CERS6: variants seen among roughly 807,000 people sequenced by gnomAD.
The protein encoded by CERS6 is LAG1 homolog, ceramide synthase 6.
CERS6 carries 26 observed loss-of-function variants against 56.8 expected under a neutral mutation model. The observed-to-expected ratio is 0.46, with a 90% CI of 0.34 to 0.63. CERS6 has a LOEUF of 0.63. Ranked by LOEUF, CERS6 falls within the 30% of genes least tolerant of loss-of-function variation. The pLI, the probability that CERS6 is intolerant of heterozygous loss-of-function variation, is 0.01. For synonymous variants in CERS6, 164 were observed against 173.3 expected, an observed-to-expected ratio of 0.95 and a Z score of 0.42; for missense variants, 415 against 467.5, an observed-to-expected ratio of 0.89 and a Z score of 1.04.
At chr2:168,608,281 T>C (rs1057403938) in intron 3 of CERS6, among the ~76,000 whole-genome samples, 7 of 152,364 alleles carry the variant, frequency 4.6e-5, no homozygotes, top group Admixed American at 3.3e-4. Context: ...GTGGGTATTT[T>C]TCATTGTCTT....
At chr2:168,687,981 GGT>G (rs1686398886) in intron 4 of CERS6, among the ~76,000 whole-genome samples, 2 of 152,176 alleles carry the variant, frequency 1.3e-5, no homozygotes, top group Non-Finnish European at 2.9e-5. Flanking sequence ...TGGAATTGCA[GGT>G]GTGAGCCACA....
At chr2:168,533,792 A>G (rs759214652) in intron 1 of CERS6, among the ~76,000 whole-genome samples, 1 of 151,948 alleles carries the variant, frequency 6.6e-6, no homozygotes, top group Non-Finnish European at 1.5e-5. Context: ...ATCCTGGGTA[A>G]TATCCAGAAG....
In CERS6 at chr2:168,602,352, A is replaced by G. The variant is rs879708210; in HGVS notation, c.408-28633A>G. On this transcript the variant is annotated intron_variant, in intron 3 of 9. Coordinates refer to ENST00000305747, the MANE Select transcript of CERS6 (RefSeq NM_203463.3). ...ATTTGCCTGGTATAGGACTCTGTCTATAATTTTAGTACTTTTGCTAAATGT... is the reference window on the plus strand; with the variant it reads ...ATTTGCCTGGTATAGGACTCTGTCTGTAATTTTAGTACTTTTGCTAAATGT... Among the ~76,000 whole-genome samples, 7 of 152,362 alleles carry G rather than the reference A, an allele frequency of 4.6e-5. No individual in the cohort carries two copies. In the East Asian group the frequency reaches 1.2e-3, roughly 25 times the overall value.
At chr2:168,485,816 G>C (rs1229010539) in intron 1 of CERS6, among the ~76,000 whole-genome samples, 1 of 152,124 alleles carries the variant, frequency 6.6e-6, no homozygotes, top group Non-Finnish European at 1.5e-5. Context: ...TTGTGTGTAG[G>C]TTTTTGTGAA....
intron 8 of CERS6, among the ~76,000 whole-genome samples, chr2:168,726,147 G>A (rs1683344866): frequency 6.6e-6 from 1 of 152,156 alleles, no homozygotes; most frequent in Non-Finnish European, 1.5e-5. Context: ...ATGGTCTCAT[G>A]TCCATTTTCT....
chr2:168,702,949 T>C lies in CERS6; in HGVS notation c.609+7898T>C, dbSNP rs150767279. On this transcript the variant is annotated intron_variant, in intron 6 of 9. Transcript: ENST00000305747. ...TTAAATGTATACACAGTTATGAGAA[T>C]CCAACTCTCTAGTATTAAGCCAGAC... Among the ~76,000 whole-genome samples, 961 of 152,306 alleles carry C rather than the reference T, an allele frequency of 6.3e-3. 5 individuals are homozygous for C. The highest frequency in any genetic ancestry group is 0.011 in the Non-Finnish European group (747 of 68,018).
chr2:168,609,568 T>C (rs1336727352), intron 3 of CERS6, among the ~76,000 whole-genome samples: 1 of 152,214 alleles, frequency 6.6e-6, no homozygotes, highest in East Asian at 1.9e-4. Flanking sequence ...GTCCATGAGC[T>C]CTTCCTCCAC....
chr2:168,604,577 C>A (rs978577226), intron 3 of CERS6, among the ~76,000 whole-genome samples: 3 of 152,130 alleles, frequency 2.0e-5, no homozygotes, highest in African/African-American at 7.2e-5. Context: ...GGGGAGGTGA[C>A]CGAATCCTGG....
chr2:168,629,763 C>G (rs1559027178), intron 3 of CERS6, among the ~76,000 whole-genome samples: 2 of 152,102 alleles, frequency 1.3e-5, no homozygotes, highest in Non-Finnish European at 2.9e-5. Flanking sequence ...CACTCTCACC[C>G]ATAACCATTG....
intron 4 of CERS6, among the ~76,000 whole-genome samples, chr2:168,675,055 C>T (rs1243487638): frequency 6.6e-6 from 1 of 151,872 alleles, no homozygotes; most frequent in East Asian, 1.9e-4. Context: ...CTCACTACAA[C>T]CTCCACCTCC....
At chr2:168,520,078 C>T (rs866356894) in intron 1 of CERS6, among the ~76,000 whole-genome samples, 1 of 152,200 alleles carries the variant, frequency 6.6e-6, no homozygotes, top group Non-Finnish European at 1.5e-5. Flanking sequence ...TGCTCTGCAA[C>T]CTCACCAACA....
chr2:168,485,462 C>T (rs1183714892), intron 1 of CERS6, among the ~76,000 whole-genome samples: 1 of 152,132 alleles, frequency 6.6e-6, no homozygotes, highest in African/African-American at 2.4e-5. Flanking sequence ...AATAGTTCTA[C>T]TGCCCTAAAA....
intron 8 of CERS6, among the ~76,000 whole-genome samples, chr2:168,752,828 GT>G (rs997167329): frequency 1.3e-5 from 2 of 152,108 alleles, no homozygotes; most frequent in African/African-American, 4.8e-5. Context: ...GATCTTGTAT[GT>G]TTTTTTCTTG....
At chr2:168,542,700 GGGTGTTATTTTTTTT>G (rs1179227458) in intron 1 of CERS6, among the ~76,000 whole-genome samples, 3 of 61,208 alleles carry the variant, frequency 4.9e-5, no homozygotes, top group Non-Finnish European at 1.5e-4. Flanking sequence ...TTTTTTTGGG[GGGTGTTATTTTTTTT>G]GGAGATGGAG....
intron 4 of CERS6, among the ~76,000 whole-genome samples, chr2:168,647,834 A>G (rs898363201): frequency 6.6e-6 from 1 of 152,148 alleles, no homozygotes; most frequent in African/African-American, 2.4e-5. Context: ...CGTATGTTGA[A>G]CCAACTTTGC....
intron 1 of CERS6, among the ~76,000 whole-genome samples, chr2:168,477,162 TGAGGGAGAGACA>T (rs1694087947): frequency 8.2e-6 from 1 of 121,854 alleles, no homozygotes; most frequent in South Asian, 2.7e-4. Context: ...AGGAAAGGAA[TGAGGGAGAGACA>T]GAGAGAGAGA....
chr2:168,480,029 T>C (rs1278952803), intron 1 of CERS6, among the ~76,000 whole-genome samples: 1 of 152,250 alleles, frequency 6.6e-6, no homozygotes, highest in Admixed American at 6.5e-5. Flanking sequence ...ACTCTGATCC[T>C]GTGAAATGGT....
At chr2:168,558,155 C>G (rs866189199) in intron 2 of CERS6, among the ~76,000 whole-genome samples, 1 of 152,158 alleles carries the variant, frequency 6.6e-6, no homozygotes, top group Non-Finnish European at 1.5e-5. Context: ...AATGGGCGCT[C>G]TTGCTTGTGA....
intron 1 of CERS6, among the ~76,000 whole-genome samples, chr2:168,538,156 A>G (rs1380495102): frequency 1.3e-5 from 2 of 150,546 alleles, no homozygotes; most frequent in Non-Finnish European, 3.0e-5. Flanking sequence ...CAGAGGAGCT[A>G]GTGATTCTCT....
Sources: gnomAD v4.1 joint callset for allele counts (sites outside exome capture counted in the v4.1 genomes callset) on GRCh38, gnomAD v4.1.1 for gene constraint, MANE v1.5 for transcripts, NCBI Gene and HGNC (gene_info 2026-07-23, HGNC 2026-07-21) for gene names.